The following PLCG2 variants were observed in gnomAD, a reference collection of about 807,000 sequenced individuals.
The protein encoded by PLCG2 is phospholipase C gamma 2, also known as 1-phosphatidylinositol 4,5-bisphosphate phosphodiesterase gamma-2.
A neutral mutation model predicts 175.6 loss-of-function variants in PLCG2; 69 were observed. The ratio of observed to expected loss-of-function variants is 0.39; its 90% confidence interval spans 0.32 to 0.48. The LOEUF is 0.48. Among genes scored for constraint, PLCG2 ranks in the 20% least tolerant of loss-of-function variants. The pLI, the probability that PLCG2 is intolerant of heterozygous loss-of-function variation, is 0.91. For missense variants in PLCG2, 1,798 were observed against 1,650.9 expected, an observed-to-expected ratio of 1.09 and a Z score of -1.54; for synonymous variants, 827 against 624.0, an observed-to-expected ratio of 1.33 and a Z score of -4.85.
At position 81,888,941 on chromosome 16, in the gene PLCG2, A is replaced by G. The variant is rs138117070; in HGVS notation, c.766-231A>G. On this transcript the variant is annotated intron_variant, in intron 9 of 32. Transcript: ENST00000564138. ...GTTGAGTGGTTGCGACAGACACCGT[A>G]TGGCTCAGAGAGCCCAAAATATTTA... Among the ~76,000 whole-genome samples the G allele has an allele frequency of 3.9e-5, 6 of 152,268 alleles. No individual in the cohort carries two copies. In the East Asian group the frequency reaches 1.2e-3, roughly 29 times the overall value.
intron 2 of PLCG2, among the ~76,000 whole-genome samples, chr16:81,850,826 A>T (rs1193692219): frequency 1.3e-5 from 2 of 152,222 alleles, no homozygotes; most frequent in African/African-American, 4.8e-5. Context: ...AATGCAGCCA[A>T]GGTGGAGGAC....
chr16:81,936,551 A>G (rs907523766), intron 27 of PLCG2, among the ~76,000 whole-genome samples, 173 bp downstream of exon 27: 1 of 152,170 alleles, frequency 6.6e-6, no homozygotes, highest in African/African-American at 2.4e-5. Context: ...AGCTGAATGG[A>G]GGGATGAGAG....
Position 81,937,788 on chromosome 16 carries a change from T to A in PLCG2, c.3083T>A (p.Phe1028Tyr). The stretch of plus-strand genomic sequence containing the variant: ...TACATGCAGATGAATCACGCATTGT[T>A]TTCTCTCAATGGGCGCACGGGCTAC... ...DKYMQMNHAL[F>Y]SLNGRTGYVL... is the part of the protein sequence containing the mutation. Residue 1028 changes from phenylalanine to tyrosine, a missense_variant, in exon 28 of 33, where the codon TTT becomes TAT. Transcript: ENST00000564138. 1.2e-6 allele frequency: 2 copies of A among 1,614,056 alleles called. No homozygotes were observed. Among genetic ancestry groups the A allele is most frequent in the Non-Finnish European group, 1.7e-6 (2 of 1,179,966 alleles).
At chr16:81,854,301 C>G in intron 2 of PLCG2, 143 bp from the exon 3 acceptor site, 2 of 740,086 alleles carry the variant, frequency 2.7e-6, no homozygotes, top group East Asian at 5.1e-5. Context: ...GGAGGGGACA[C>G]TGAGTCCAGA....
intron 2 of PLCG2, among the ~76,000 whole-genome samples, chr16:81,810,565 C>A (rs940461366): frequency 6.6e-6 from 1 of 152,150 alleles, no homozygotes; most frequent in Non-Finnish European, 1.5e-5. Flanking sequence ...GACACTCTGC[C>A]TTCCTGTTTT....
In PLCG2 at chr16:81,818,883, A is replaced by ATTTTTTTTTTTTT. The variant is rs57346304; in HGVS notation, c.193+32713_193+32725dup. On this transcript the variant is annotated intron_variant, in intron 2 of 32. Coordinates refer to ENST00000564138, the MANE Select transcript of PLCG2 (RefSeq NM_002661.5). ...TCCATAAGCTAGTGTGGGCTCATGG[A>ATTTTTTTTTTTTT]TTTTTTTTTTTTTTTTTTTTTTTTA... is the stretch of plus-strand genomic sequence containing the variant. Among the ~76,000 whole-genome samples the ATTTTTTTTTTTTT allele has an allele frequency of 1.1e-4, 12 of 106,642 alleles. 1 individual carries two copies. Among genetic ancestry groups the ATTTTTTTTTTTTT allele is most frequent in the African/African-American group, 4.0e-4 (10 of 24,932 alleles). 70.0% of individuals were successfully genotyped at this position (106,642 alleles called of 152,430 possible).
At position 81,921,986 on chromosome 16, in the gene PLCG2, A is replaced by G. The variant is rs74032926; in HGVS notation, c.2307+717A>G. On this transcript the variant is annotated intron_variant, in intron 21 of 32. Coordinates refer to ENST00000564138, the MANE Select transcript of PLCG2 (RefSeq NM_002661.5). ...AAATGCATTAAGAGACCTTAGTAGC[A>G]AAAACTTTTGTTAGTAGTGAAGGAT... 6.7e-3 allele frequency among the ~76,000 whole-genome samples: 1,019 copies of G among 152,344 alleles called. 15 individuals are homozygous for G. The highest frequency in any genetic ancestry group is 0.024 in the African/African-American group (984 of 41,576).
Position 81,928,583 on chromosome 16 carries a change from C to A in PLCG2, c.2540C>A (p.Ser847Tyr), listed in dbSNP as rs779400707. 1 of 1,607,984 alleles carries A rather than the reference C, an allele frequency of 6.2e-7. No homozygotes were observed. The highest frequency in any genetic ancestry group is 8.5e-7 in the Non-Finnish European group (1 of 1,174,404). ...KQIIEDNPLG[S>Y]LCRGILDLNT... The stretch of plus-strand genomic sequence containing the variant: ...ATTATTGAAGACAATCCCTTAGGGT[C>A]TCTTTGCAGAGGAATATTGGACCTC... The change falls in exon 24 of 33, where the codon TCT (serine) becomes TAT (tyrosine). Residue 847 changes from serine (S) to tyrosine (Y), a missense_variant. By Grantham distance (144) the Ser-to-Tyr change is moderately radical. Transcript: ENST00000564138.
At chr16:81,899,154 A>T (rs1188170658) in intron 13 of PLCG2, among the ~76,000 whole-genome samples, 1 of 152,068 alleles carries the variant, frequency 6.6e-6, no homozygotes, top group East Asian at 1.9e-4. Context: ...ACGCCATTGC[A>T]CTCCATCCCG....
At chr16:81,849,894 T>G (rs1040594424) in intron 2 of PLCG2, among the ~76,000 whole-genome samples, 1 of 152,204 alleles carries the variant, frequency 6.6e-6, no homozygotes, top group African/African-American at 2.4e-5. Flanking sequence ...CACTAGACTT[T>G]CACTGGCAGT....
intron 20 of PLCG2, among the ~76,000 whole-genome samples, chr16:81,920,177 G>C (rs1344639564): frequency 6.6e-6 from 1 of 152,188 alleles, no homozygotes; most frequent in African/African-American, 2.4e-5. Context: ...TATCATGCAG[G>C]GGCTCATAGG....
intron 8 of PLCG2, among the ~76,000 whole-genome samples, chr16:81,881,854 GT>G: frequency 6.7e-6 from 1 of 149,442 alleles, no homozygotes; most frequent in Admixed American, 6.7e-5. Flanking sequence ...GTTTCACCAT[GT>G]TGGCCAGTCT....
Position 81,805,773 on chromosome 16 carries a change from TTTTTTTTTTG to T in PLCG2, c.193+19601_193+19610del, listed in dbSNP as rs1239090764. On this transcript the variant is annotated intron_variant, in intron 2 of 32. Transcript: ENST00000564138. ...GAGAGTAGTGTTTTGTTTTGTTTTT[TTTTTTTTTTG>T]TTTTTTTTTTTTTTTGCTGTTATTG... 2.7e-3 allele frequency among the ~76,000 whole-genome samples: 269 copies of T among 100,856 alleles called. 8 individuals are homozygous for T. Among genetic ancestry groups the T allele is most frequent in the Middle Eastern group, 9.1e-3 (2 of 220 alleles). The allele number at this position is 100,856 out of a possible 152,430, so 66.2% of individuals were successfully genotyped here.
At chr16:81,911,790 CTTTTTTTTTTTTTTT>C (rs35027472) in intron 18 of PLCG2, among the ~76,000 whole-genome samples, 3 of 67,240 alleles carry the variant, frequency 4.5e-5, no homozygotes, top group African/African-American at 6.2e-5. Flanking sequence ...TTTGTATTTC[CTTTTTTTTTTTTTTT>C]TTTTTTTTTT....
rs1458178159 is a variant in PLCG2, at chr16:81,931,508, C to T, written c.2593C>T (p.Gln865Ter). The T allele has an allele frequency of 6.2e-7, 1 of 1,613,842 alleles. No homozygotes were observed. Among genetic ancestry groups the T allele is most frequent in the Non-Finnish European group, 8.5e-7 (1 of 1,179,934 alleles). Residue 865 changes from glutamine (Q) to a stop codon, truncating the protein, a stop_gained, in exon 25 of 33, where the codon CAG becomes TAG. Transcript: ENST00000564138. LOFTEE classifies it high-confidence loss of function. ...TCTCTTACCCCAAGTGAAAGCCCCTCAGGGAAAAAACCAGAAGTCCTTTGT... is the reference window on the plus strand; with the variant it reads ...TCTCTTACCCCAAGTGAAAGCCCCTTAGGGAAAAAACCAGAAGTCCTTTGT... ...LNTYNVVKAPQGKNQKSFVFI... is the reference protein window; with the variant it reads ...LNTYNVVKAP
At chr16:81,907,587 C>A in intron 15 of PLCG2, 98 bp from the exon 16 acceptor site, 1 of 669,916 alleles carries the variant, frequency 1.5e-6, no homozygotes, top group Non-Finnish European at 2.6e-6. Flanking sequence ...AAAGCACATC[C>A]ATAGTAGATG....
chr16:81,756,394 C>G (rs1754250290), intron 2 of PLCG2, among the ~76,000 whole-genome samples: 1 of 152,232 alleles, frequency 6.6e-6, no homozygotes, highest in Non-Finnish European at 1.5e-5. Flanking sequence ...ATCCTCAGAA[C>G]AAACTGCTAT....
At chr16:81,907,394 G>T (rs1909421649) in intron 15 of PLCG2, among the ~76,000 whole-genome samples, 1 of 152,060 alleles carries the variant, frequency 6.6e-6, no homozygotes, top group Non-Finnish European at 1.5e-5. Flanking sequence ...AGTTTTAAAA[G>T]GTAGATGGAA....
chr16:81,885,121 T>C (rs565497974), intron 9 of PLCG2, among the ~76,000 whole-genome samples: 2 of 151,680 alleles, frequency 1.3e-5, no homozygotes, highest in South Asian at 4.2e-4. Context: ...CTCTGTCCCA[T>C]GTTCAAGTGA....
Sources: allele counts gnomAD v4.1 joint callset (sites outside exome capture counted in the v4.1 genomes callset), GRCh38; gene constraint gnomAD v4.1.1; transcripts MANE v1.5; gene names NCBI Gene and HGNC (gene_info 2026-07-23, HGNC 2026-07-21).